FHDC1: variants seen among roughly 807,000 people sequenced by gnomAD.
The protein encoded by FHDC1 is FH2 domain-containing protein 1.
FHDC1 carries 25 observed loss-of-function variants against 52.6 expected under a neutral mutation model. That is an observed-to-expected ratio of 0.48 (90% CI 0.35 to 0.66). The LOEUF (loss-of-function observed/expected upper bound fraction) is 0.66, where lower values mean the gene tolerates loss of function less well. Among genes scored for constraint, FHDC1 ranks in the 30% least tolerant of loss-of-function variants. The probability of loss-of-function intolerance (pLI) is 0.01; values close to 1 mark genes in which losing one functional copy is unlikely to be tolerated. For missense variants in FHDC1, 1,459 were observed against 1,452.8 expected (o/e 1.00, Z -0.07); for synonymous variants, 616 against 581.5 (o/e 1.06, Z -0.85).
rs751654523 is a variant in FHDC1, at chr4:152,975,237, A to G, written c.1946A>G (p.Tyr649Cys). Residue 649 changes from tyrosine to cysteine, a missense_variant, in exon 12 of 12, where the codon TAC becomes TGC. Tyr to Cys is a radical substitution (Grantham distance 194). Around this residue, in one of 3 missense-constraint regions of FHDC1, gnomAD observed 939 missense variants for 854.5 expected, o/e 1.10. Coordinates refer to ENST00000511601, the MANE Select transcript of FHDC1 (RefSeq NM_001371116.1). ...GGCGTCAGTGTCCTCCGAAAGAGGTACAGTGAGCCGGTGAGCCTGGGCTCA... is the reference window on the plus strand; with the variant it reads ...GGCGTCAGTGTCCTCCGAAAGAGGTGCAGTGAGCCGGTGAGCCTGGGCTCA... ...RQGVSVLRKR[Y>C]SEPVSLGSAQ... The G allele has an allele frequency of 1.9e-6, 3 of 1,613,382 alleles. No homozygotes were observed. The Admixed American group carries it at 5.0e-5, about 27-fold the overall frequency.
At chr4:152,926,662 T>C in the FHDC1 span, among the ~76,000 whole-genome samples, 1 of 152,074 alleles carries the variant, frequency 6.6e-6, no homozygotes, top group East Asian at 1.9e-4. Context: ...CCTTTTTTTT[T>C]CTTTTGCTGG....
chr4:152,925,731 A>G, the FHDC1 span, among the ~76,000 whole-genome samples: 1 of 151,504 alleles, frequency 6.6e-6, no homozygotes, highest in South Asian at 2.1e-4. Flanking sequence ...TTTTTTTAAC[A>G]AAGACATTTC....
chr4:152,975,370 C>T lies in FHDC1; in HGVS notation c.2079C>T (p.Thr693=), dbSNP rs368257176. The T allele has an allele frequency of 1.6e-5, 26 of 1,613,678 alleles. No homozygotes were observed. In the African/African-American group the frequency reaches 2.0e-4, roughly 12 times the overall value. Residue 693 remains threonine (T), a synonymous_variant, in exon 12 of 12, where the codon ACC becomes ACT. Transcript: ENST00000511601. The stretch of plus-strand genomic sequence containing the variant: ...AGGGTTCCCAGGGCATGGAGGAGAC[C>T]TCCCAGCTGACTCTGAGTGACTTCA... ...NLQGSQGMEE[T]SQLTLSDFSP...
chr4:152,962,962 T>C, intron 7 of FHDC1, 61 bp from the exon 8 acceptor site: 1 of 1,495,444 alleles, frequency 6.7e-7, no homozygotes, highest in Non-Finnish European at 9.3e-7. Context: ...TGTGTGTGTG[T>C]GTGTGTGTGT....
intron 4 of FHDC1, among the ~76,000 whole-genome samples, chr4:152,957,797 T>C (rs1185937358): frequency 6.6e-6 from 1 of 152,222 alleles, no homozygotes; most frequent in Non-Finnish European, 1.5e-5. Flanking sequence ...AAATCTTTTA[T>C]CTGGCATGTT....
chr4:152,912,856 C>A, the FHDC1 span, among the ~76,000 whole-genome samples: 1 of 152,168 alleles, frequency 6.6e-6, no homozygotes, highest in Non-Finnish European at 1.5e-5. Flanking sequence ...GGTCCAGGAA[C>A]TATCTGGGTT....
At chr4:152,923,903 T>C in the FHDC1 span, among the ~76,000 whole-genome samples, 1 of 152,042 alleles carries the variant, frequency 6.6e-6, no homozygotes, top group South Asian at 2.1e-4. Flanking sequence ...CCATAAAAAC[T>C]CTAGAAGAAA....
At chr4:152,919,244 T>C in the FHDC1 span, among the ~76,000 whole-genome samples, 5 of 152,232 alleles carry the variant, frequency 3.3e-5, no homozygotes, top group South Asian at 4.1e-4. Flanking sequence ...AGATGTGAAG[T>C]TGAATAAGAC....
the FHDC1 span, among the ~76,000 whole-genome samples, chr4:152,919,832 AACT>A: frequency 1.3e-5 from 2 of 152,152 alleles, no homozygotes; most frequent in African/African-American, 4.8e-5. Flanking sequence ...TGTGGATTCT[AACT>A]ACAGGCACAC....
chr4:152,962,251 G>A (rs1451215314), intron 6 of FHDC1, among the ~76,000 whole-genome samples: 1 of 152,188 alleles, frequency 6.6e-6, no homozygotes, highest in Non-Finnish European at 1.5e-5. Context: ...AATGAAATGT[G>A]TGGCTTTGAA....
At chr4:152,954,552 T>TG (rs1740026054) in intron 4 of FHDC1, among the ~76,000 whole-genome samples, 1 of 152,052 alleles carries the variant, frequency 6.6e-6, no homozygotes, top group Admixed American at 6.6e-5. Context: ...CCCGGTGTGG[T>TG]GGCAGGCACC....
chr4:152,935,517 C>G (rs1186328306), upstream of FHDC1, among the ~76,000 whole-genome samples: 1 of 152,152 alleles, frequency 6.6e-6, no homozygotes, highest in Non-Finnish European at 1.5e-5. Flanking sequence ...GTGTGCCTTT[C>G]CCAGACAGCG....
chr4:152,919,686 A>C, the FHDC1 span, among the ~76,000 whole-genome samples: 1 of 152,320 alleles, frequency 6.6e-6, no homozygotes, highest in East Asian at 1.9e-4. Flanking sequence ...TGAAGCTTCT[A>C]GGTCATTAGG....
At chr4:152,917,745 G>A in the FHDC1 span, among the ~76,000 whole-genome samples, 1 of 152,198 alleles carries the variant, frequency 6.6e-6, no homozygotes. Context: ...CAGCTTGCCT[G>A]TGTTGACTTT....
intron 4 of FHDC1, among the ~76,000 whole-genome samples, chr4:152,955,485 A>T (rs1740054838): frequency 6.6e-6 from 1 of 152,202 alleles, no homozygotes; most frequent in Non-Finnish European, 1.5e-5. Context: ...TTATAAGTAA[A>T]AGTAATAGAT....
chr4:152,924,710 G>A, the FHDC1 span, among the ~76,000 whole-genome samples: 1 of 152,084 alleles, frequency 6.6e-6, no homozygotes, highest in Admixed American at 6.5e-5. Context: ...GTCATTTGTA[G>A]GGACATGGAT....
chr4:152,972,236 T>A, intron 10 of FHDC1, 141 bp from the exon 11 acceptor site: 1 of 786,928 alleles, frequency 1.3e-6, no homozygotes, highest in Non-Finnish European at 1.9e-6. Context: ...TCTGATTGCA[T>A]TGGCCTTGCA....
chr4:152,939,740 G>A (rs571837630), intron 1 of FHDC1, among the ~76,000 whole-genome samples: 124 of 152,288 alleles, frequency 8.1e-4, no homozygotes, highest in African/African-American at 3.0e-3. Flanking sequence ...CATCTTCAGA[G>A]CCCAGCCATG....
chr4:152,965,913 CT>C (rs1220525474), intron 9 of FHDC1, among the ~76,000 whole-genome samples: 4 of 152,216 alleles, frequency 2.6e-5, no homozygotes, highest in Admixed American at 1.3e-4. Flanking sequence ...TGCCACTGGC[CT>C]GTACCTCAAA....
Sources: allele counts gnomAD v4.1 joint callset (sites outside exome capture counted in the v4.1 genomes callset), GRCh38; gene constraint gnomAD v4.1.1; regional missense constraint gnomAD v4.1.1; transcripts MANE v1.5; gene names NCBI Gene and HGNC (gene_info 2026-07-23, HGNC 2026-07-21).